The following CCSER1 variants were observed in gnomAD, a reference collection of about 807,000 sequenced individuals.
CCSER1 encodes the protein coiled-coil serine rich protein 1.
Under a neutral mutation model 82.0 loss-of-function variants are expected in CCSER1, and 41 were observed. The ratio of observed to expected loss-of-function variants is 0.50; its 90% CI spans 0.39 to 0.65. The LOEUF is 0.65. Ranked by LOEUF, CCSER1 falls within the 30% of genes least tolerant of loss-of-function variation. The pLI, the probability that CCSER1 is intolerant of heterozygous loss-of-function variation, is 0.00. For missense variants in CCSER1, 1,119 were observed against 1,064.2 expected (o/e 1.05, Z -0.72); for synonymous variants, 414 against 383.9 (o/e 1.08, Z -0.92).
intron 6 of CCSER1, among the ~76,000 whole-genome samples, chr4:90,658,575 A>C (rs1219563598): frequency 1.3e-5 from 2 of 152,196 alleles, no homozygotes; most frequent in African/African-American, 4.8e-5. Context: ...AAATGACCCC[A>C]AGGATAAAAG....
rs1166834138 is a variant in CCSER1, at chr4:91,296,465, ATG to A, written c.2217+210473_2217+210474del. Among the ~76,000 whole-genome samples, 312 of 46,770 alleles carry A rather than the reference ATG, an allele frequency of 6.7e-3. 7 individuals are homozygous for A. Among genetic ancestry groups the A allele is most frequent in the East Asian group, 0.022 (44 of 2,032 alleles). 30.7% of individuals were successfully genotyped at this position (46,770 alleles called of 152,430 possible). On this transcript the variant is annotated intron_variant, in intron 10 of 10. Transcript: ENST00000509176. ...TGTCTAACATTATATATATATATATATGTATATATATATATATATATTTTAAT... is the reference window on the plus strand; with the variant it reads ...TGTCTAACATTATATATATATATATATATATATATATATATATATTTTAAT...
chr4:90,898,893 TG>T (rs70963095), intron 8 of CCSER1, among the ~76,000 whole-genome samples: 44,882 of 151,220 alleles, frequency 0.3, 7,537 homozygotes, highest in Non-Finnish European at 0.39. Flanking sequence ...TCTCTGGTTT[TG>T]TTTTTAATGC....
At chr4:90,888,051 T>C (rs1394227349) in intron 8 of CCSER1, among the ~76,000 whole-genome samples, 2 of 152,174 alleles carry the variant, frequency 1.3e-5, no homozygotes, top group Non-Finnish European at 2.9e-5. Flanking sequence ...AAATAAGTTA[T>C]AATTAAATTG....
chr4:90,332,393 C>G (rs1266654163), intron 3 of CCSER1, among the ~76,000 whole-genome samples: 1 of 151,932 alleles, frequency 6.6e-6, no homozygotes, highest in African/African-American at 2.4e-5. Context: ...TGCGCTACCA[C>G]CCTGGGCTAA....
intron 10 of CCSER1, among the ~76,000 whole-genome samples, chr4:91,350,453 T>G (rs756648739): frequency 6.6e-6 from 1 of 152,148 alleles, no homozygotes; most frequent in Non-Finnish European, 1.5e-5. Context: ...GTTCCTCTTT[T>G]TAGTGTCATT....
At chr4:90,585,585 T>A (rs1233041895) in intron 5 of CCSER1, among the ~76,000 whole-genome samples, 1 of 152,232 alleles carries the variant, frequency 6.6e-6, no homozygotes, top group Non-Finnish European at 1.5e-5. Context: ...ACTTTGCCTA[T>A]AACTAGAATT....
At chr4:90,805,783 A>C (rs1009106934) in intron 7 of CCSER1, among the ~76,000 whole-genome samples, 9 of 152,186 alleles carry the variant, frequency 5.9e-5, no homozygotes, top group Non-Finnish European at 1.2e-4. Context: ...AATAATATGC[A>C]TTTTTACAAG....
chr4:90,808,235 T>C (rs1757781246), intron 7 of CCSER1, among the ~76,000 whole-genome samples: 1 of 151,996 alleles, frequency 6.6e-6, no homozygotes, highest in Non-Finnish European at 1.5e-5. Context: ...TGTACAAAAA[T>C]TAACGGAAGA....
At chr4:91,409,901 C>G (rs539696126) in intron 10 of CCSER1, among the ~76,000 whole-genome samples, 1 of 152,118 alleles carries the variant, frequency 6.6e-6, no homozygotes, top group Non-Finnish European at 1.5e-5. Flanking sequence ...AGGCTGGTCT[C>G]GAACTCCCGA....
At chr4:91,124,340 G>A (rs903544409) in intron 10 of CCSER1, among the ~76,000 whole-genome samples, 15 of 151,694 alleles carry the variant, frequency 9.9e-5, no homozygotes, top group Admixed American at 5.3e-4. Context: ...CATCTGATTT[G>A]AAAAACCGAT....
intron 1 of CCSER1, among the ~76,000 whole-genome samples, chr4:90,295,107 A>G (rs1731627095): frequency 6.6e-6 from 1 of 152,002 alleles, no homozygotes. Context: ...AAATTCTCAT[A>G]TTAATGAACA....
intron 8 of CCSER1, chr4:90,839,162 T>C (rs1294151578): frequency 2.3e-5 from 17 of 749,546 alleles, no homozygotes; most frequent in Non-Finnish European, 3.9e-5. Flanking sequence ...TATTGCTAAC[T>C]TCTTTGAGAA....
At chr4:91,399,012 A>C (rs987595911) in intron 10 of CCSER1, among the ~76,000 whole-genome samples, 1 of 151,950 alleles carries the variant, frequency 6.6e-6, no homozygotes, top group Non-Finnish European at 1.5e-5. Flanking sequence ...AAATTTTTGG[A>C]ATGTAGGAAA....
At chr4:90,313,594 A>G (rs986043647) in intron 3 of CCSER1, among the ~76,000 whole-genome samples, 4 of 152,044 alleles carry the variant, frequency 2.6e-5, no homozygotes, top group Non-Finnish European at 5.9e-5. Context: ...CCTGGTCCAA[A>G]TTGTAGAGCC....
At position 91,601,543 on chromosome 4, in the gene CCSER1, T is replaced by A. The variant is rs1182821894; in HGVS notation, c.*2486T>A. 2.0e-5 allele frequency: 3 copies of A among 152,166 alleles called. No individual in the cohort carries two copies. The highest frequency in any genetic ancestry group is 4.4e-5 in the Non-Finnish European group (3 of 67,954). 9.4% of individuals were successfully genotyped at this position (152,166 alleles called of 1,614,324 possible). The stretch of plus-strand genomic sequence containing the variant: ...TATATAGTAACTTATAACAATGGCA[T>A]GTGGGCATTCTTTCAGTGAATTGCT... On this transcript the variant is annotated 3_prime_UTR_variant, in exon 11 of 11. Coordinates refer to ENST00000509176, the MANE Select transcript of CCSER1 (RefSeq NM_001145065.2).
chr4:91,225,260 A>G (rs1560528229), intron 10 of CCSER1, among the ~76,000 whole-genome samples: 1 of 138,230 alleles, frequency 7.2e-6, no homozygotes. Flanking sequence ...ATATACATGT[A>G]TATAATTATA....
In CCSER1 at chr4:91,013,694, C is replaced by T. The variant is rs1396138856; in HGVS notation, c.2173-72256C>T. On this transcript the variant is annotated intron_variant, in intron 9 of 10. Coordinates refer to ENST00000509176, the MANE Select transcript of CCSER1 (RefSeq NM_001145065.2). ...CTCGGCTCACTGCAAGCTCCGCCTC[C>T]CGGGTTCACGCCATTCTCCTGCCTC... 3.9e-5 allele frequency among the ~76,000 whole-genome samples: 5 copies of T among 127,892 alleles called. 2 individuals carry two copies. Among genetic ancestry groups the T allele is most frequent in the Non-Finnish European group, 9.1e-5 (5 of 55,090 alleles). The allele number at this position is 127,892 out of a possible 152,430, so 83.9% of individuals were successfully genotyped here.
rs371108776 is a variant in CCSER1, at chr4:90,579,764, C to T, written c.1725-48261C>T. Among the ~76,000 whole-genome samples, 55 of 152,086 alleles carry T rather than the reference C, an allele frequency of 3.6e-4. No homozygotes were observed. In the East Asian group the frequency reaches 5.6e-3, roughly 15 times the overall value. ...ATTGAGGAATAGTATTGGGGTAATT[C>T]ATTTTCCCACTCAGTTAATTCCGTG... On this transcript the variant is annotated intron_variant, in intron 5 of 10. Coordinates refer to ENST00000509176, the MANE Select transcript of CCSER1 (RefSeq NM_001145065.2).
intron 9 of CCSER1, among the ~76,000 whole-genome samples, chr4:91,015,816 T>C (rs1739383682): frequency 6.6e-6 from 1 of 152,036 alleles, no homozygotes; most frequent in Non-Finnish European, 1.5e-5. Flanking sequence ...AAAAGATTCA[T>C]ATTCAGTTCT....
Sources: allele counts gnomAD v4.1 joint callset (sites outside exome capture counted in the v4.1 genomes callset), GRCh38; gene constraint gnomAD v4.1.1; transcripts MANE v1.5; gene names NCBI Gene and HGNC (gene_info 2026-07-23, HGNC 2026-07-21).